Variants in ACTR3B observed in about 807,000 individuals in gnomAD.
ACTR3B encodes the protein actin related protein 3B, also known as actin-related protein 3B.
A neutral mutation model predicts 59.0 loss-of-function variants in ACTR3B; 8 were observed. The observed-to-expected ratio is 0.14, with a 90% confidence interval of 0.08 to 0.24. The LOEUF is 0.24. Among genes scored for constraint, ACTR3B ranks in the 10% least tolerant of loss-of-function variants. ACTR3B has a pLI of 1.00. For synonymous variants in ACTR3B, 148 were observed against 197.9 expected (o/e 0.75, Z 2.12); for missense variants, 245 against 552.3 (o/e 0.44, Z 5.58).
intron 2 of ACTR3B, among the ~76,000 whole-genome samples, chr7:152,797,532 T>C (rs916917501): frequency 6.6e-6 from 1 of 152,252 alleles, no homozygotes; most frequent in African/African-American, 2.4e-5. Context: ...ATTTTTGTGG[T>C]GAGAGCACAT....
intron 1 of ACTR3B, among the ~76,000 whole-genome samples, chr7:152,782,425 C>T (rs1045829504): frequency 1.3e-5 from 2 of 152,018 alleles, no homozygotes; most frequent in African/African-American, 2.4e-5. Flanking sequence ...CACCACCCCC[C>T]CTTTTATATT....
chr7:152,788,656 C>T (rs2098183046), intron 2 of ACTR3B, among the ~76,000 whole-genome samples: 1 of 152,032 alleles, frequency 6.6e-6, no homozygotes, highest in Non-Finnish European at 1.5e-5. Flanking sequence ...TGTGATTCAC[C>T]CACCTCAGCT....
At chr7:152,799,034 CATTGGT>C (rs2098226386) in intron 2 of ACTR3B, among the ~76,000 whole-genome samples, 1 of 152,122 alleles carries the variant, frequency 6.6e-6, no homozygotes. Flanking sequence ...TGAAGGATGC[CATTGGT>C]ATTTTGATAA....
At chr7:152,768,458 A>C (rs188008343) in intron 1 of ACTR3B, among the ~76,000 whole-genome samples, 7 of 152,136 alleles carry the variant, frequency 4.6e-5, no homozygotes, top group Admixed American at 1.3e-4. Context: ...TTGTGGCCTA[A>C]GAGGGTTTGC....
At chr7:152,773,117 A>T (rs1297268032) in intron 1 of ACTR3B, among the ~76,000 whole-genome samples, 1 of 149,066 alleles carries the variant, frequency 6.7e-6, no homozygotes, top group East Asian at 1.9e-4. Flanking sequence ...GTAAAAGGAA[A>T]CAGGCAACAA....
chr7:152,759,851 G>GC lies in ACTR3B; in HGVS notation c.-30dup, dbSNP rs1331379263. 38 of 1,250,542 alleles carry GC rather than the reference G, an allele frequency of 3.0e-5. No individual in the cohort carries two copies. In the East Asian group the frequency reaches 1.2e-3, roughly 41 times the overall value. 77.5% of individuals were successfully genotyped at this position (1,250,542 alleles called of 1,614,324 possible). A position where few individuals can be genotyped will look rare whatever the true frequency, so the allele number is the denominator to read the frequency against. On this transcript the variant is annotated 5_prime_UTR_variant, in exon 1 of 12. Coordinates refer to ENST00000256001, the MANE Select transcript of ACTR3B (RefSeq NM_020445.6). Reference sequence around the variant, plus strand: ...GACGGCGACGGGGCGCTCTCGGGCTGCCGGCGGGGCCGAGCGCCGCGCGTC... The same window carrying GC: ...GACGGCGACGGGGCGCTCTCGGGCTGCCCGGCGGGGCCGAGCGCCGCGCGTC...
At chr7:152,842,524 G>T (rs1797946210) in intron 9 of ACTR3B, among the ~76,000 whole-genome samples, 1 of 152,200 alleles carries the variant, frequency 6.6e-6, no homozygotes, top group Non-Finnish European at 1.5e-5. Context: ...TGGAGCGGGA[G>T]CCGCAGATAA....
In ACTR3B at chr7:152,855,051, A is replaced by AATAG. The variant is rs1799150686; in HGVS notation, c.*502_*505dup. On this transcript the variant is annotated 3_prime_UTR_variant, in exon 12 of 12. Coordinates refer to ENST00000256001, the MANE Select transcript of ACTR3B (RefSeq NM_020445.6). ...GTACAACTGGCTGATACTAAGCACG[A>AATAG]ATAGATATTGATGTTATGGAGTGCT... The AATAG allele has an allele frequency of 6.4e-6, 1 of 155,142 alleles. No homozygotes were observed. The highest frequency in any genetic ancestry group is 2.4e-5 in the African/African-American group (1 of 41,490). 9.6% of individuals were successfully genotyped at this position (155,142 alleles called of 1,614,324 possible). A position where few individuals can be genotyped will look rare whatever the true frequency, so the allele number is the denominator to read the frequency against.
chr7:152,767,946 G>A (rs749996950), intron 1 of ACTR3B, among the ~76,000 whole-genome samples: 4 of 152,338 alleles, frequency 2.6e-5, no homozygotes, highest in South Asian at 4.1e-4. Flanking sequence ...TGGGCCTGGC[G>A]CAGTGGCTCA....
chr7:152,775,778 G>A (rs1346078451), intron 1 of ACTR3B, among the ~76,000 whole-genome samples: 1 of 151,798 alleles, frequency 6.6e-6, no homozygotes, highest in East Asian at 1.9e-4. Flanking sequence ...AAAAAATTGG[G>A]GGCAAATAAT....
intron 1 of ACTR3B, among the ~76,000 whole-genome samples, chr7:152,764,435 C>T (rs7793385): frequency 0.011 from 1,598 of 151,750 alleles, 32 homozygotes; most frequent in African/African-American, 0.036. Flanking sequence ...AGATCGAGAC[C>T]ATCCTGGCTA....
At chr7:152,763,092 G>A (rs1379181731) in intron 1 of ACTR3B, among the ~76,000 whole-genome samples, 1 of 152,010 alleles carries the variant, frequency 6.6e-6, no homozygotes, top group Non-Finnish European at 1.5e-5. Flanking sequence ...GAGGCGGGCG[G>A]ATCACCTGAG....
At chr7:152,852,975 T>C (rs1431816468) in intron 10 of ACTR3B, among the ~76,000 whole-genome samples, 1 of 151,982 alleles carries the variant, frequency 6.6e-6, no homozygotes, top group East Asian at 1.9e-4. Flanking sequence ...GTATTTTTAG[T>C]AGAGATGGGG....
intron 4 of ACTR3B, among the ~76,000 whole-genome samples, chr7:152,810,503 C>G (rs1265571225): frequency 6.6e-6 from 1 of 150,606 alleles, no homozygotes; most frequent in African/African-American, 2.4e-5. Context: ...TGCAGTCATA[C>G]AGCCACTACA....
intron 6 of ACTR3B, among the ~76,000 whole-genome samples, chr7:152,817,768 G>A (rs1795823354): frequency 6.6e-6 from 1 of 152,104 alleles, no homozygotes; most frequent in African/African-American, 2.4e-5. Flanking sequence ...TGCAAATTAG[G>A]ATTTTCAAAA....
chr7:152,796,272 C>G (rs1359256001), intron 2 of ACTR3B, among the ~76,000 whole-genome samples: 1 of 152,092 alleles, frequency 6.6e-6, no homozygotes, highest in Non-Finnish European at 1.5e-5. Context: ...TGTGTATATA[C>G]TTTTATTTAC....
chr7:152,776,836 A>G (rs1370987947), intron 1 of ACTR3B, among the ~76,000 whole-genome samples: 1 of 152,150 alleles, frequency 6.6e-6, no homozygotes, highest in East Asian at 1.9e-4. Context: ...ATAAATATAT[A>G]CTGTTTTCAA....
intron 1 of ACTR3B, among the ~76,000 whole-genome samples, chr7:152,766,942 A>T (rs940523233): frequency 5.9e-5 from 9 of 152,132 alleles, no homozygotes; most frequent in Non-Finnish European, 8.8e-5. Flanking sequence ...GCATGCCACC[A>T]CATCGGGCTA....
chr7:152,834,236 C>T (rs1335209086), intron 9 of ACTR3B, among the ~76,000 whole-genome samples: 3 of 151,998 alleles, frequency 2.0e-5, no homozygotes, highest in Non-Finnish European at 4.4e-5. Flanking sequence ...TGACTGCAGC[C>T]TCTGCCTCCT....
Sources: gnomAD v4.1 joint callset for allele counts (sites outside exome capture counted in the v4.1 genomes callset) on GRCh38, gnomAD v4.1.1 for gene constraint, MANE v1.5 for transcripts, NCBI Gene and HGNC (gene_info 2026-07-23, HGNC 2026-07-21) for gene names.